The following ARB2A variants were observed in gnomAD, a reference collection of about 807,000 sequenced individuals.
ARB2A encodes ARB2 cotranscriptional regulator A.
the ARB2A span, among the ~76,000 whole-genome samples, chr5:93,796,841 T>C: frequency 6.6e-6 from 1 of 152,218 alleles, no homozygotes; most frequent in East Asian, 1.9e-4. Flanking sequence ...CAGAAATAAA[T>C]GGTTTGAAAG....
chr5:93,984,100 A>C, the ARB2A span, among the ~76,000 whole-genome samples: 2 of 152,152 alleles, frequency 1.3e-5, no homozygotes, highest in Non-Finnish European at 2.9e-5. Context: ...TGATTCTGAT[A>C]ATTATAAAGA....
chr5:93,741,079 G>A, the ARB2A span: 2 of 1,613,810 alleles, frequency 1.2e-6, no homozygotes, highest in Admixed American at 1.7e-5. Context: ...GCAGATGGTC[G>A]TCTGGCTAAG....
the ARB2A span, among the ~76,000 whole-genome samples, chr5:94,059,636 A>AAT: frequency 1.3e-5 from 2 of 150,762 alleles, no homozygotes; most frequent in African/African-American, 4.9e-5. Context: ...AAAAAAAAAA[A>AAT]AAAAGATAAA....
the ARB2A span, among the ~76,000 whole-genome samples, chr5:93,652,208 T>C: frequency 3.3e-5 from 5 of 152,246 alleles, no homozygotes; most frequent in South Asian, 1.0e-3. Context: ...GTATTACACA[T>C]GGGAGTAATA....
the ARB2A span, among the ~76,000 whole-genome samples, chr5:93,879,164 C>A: frequency 6.6e-6 from 1 of 152,024 alleles, no homozygotes; most frequent in African/African-American, 2.4e-5. Context: ...TAGCAGAAGT[C>A]ATTTCCAGAA....
chr5:93,856,367 T>A, the ARB2A span, among the ~76,000 whole-genome samples: 1 of 152,250 alleles, frequency 6.6e-6, no homozygotes, highest in Admixed American at 6.5e-5. Context: ...GATAATATCC[T>A]GCAGAGTGTT....
At chr5:93,893,533 A>T in the ARB2A span, among the ~76,000 whole-genome samples, 1 of 152,176 alleles carries the variant, frequency 6.6e-6, no homozygotes, top group Non-Finnish European at 1.5e-5. Context: ...AGAACAAAAT[A>T]AAAAAGTAGA....
At chr5:93,648,145 CAAA>C in the ARB2A span, among the ~76,000 whole-genome samples, 12 of 83,464 alleles carry the variant, frequency 1.4e-4, no homozygotes, top group Admixed American at 3.4e-4. Flanking sequence ...GAACCTGTCT[CAAA>C]AAAAAAAAAA....
At chr5:93,958,730 C>T in the ARB2A span, 1 of 1,291,932 alleles carries the variant, frequency 7.7e-7, no homozygotes, top group East Asian at 2.5e-5. Context: ...TATAATAAAA[C>T]AGTACTATAA....
chr5:94,084,973 A>G, the ARB2A span, among the ~76,000 whole-genome samples: 1 of 152,268 alleles, frequency 6.6e-6, no homozygotes, highest in East Asian at 1.9e-4. Flanking sequence ...TACAACCACA[A>G]TGAAATATTT....
At chr5:93,867,638 G>A in the ARB2A span, among the ~76,000 whole-genome samples, 32 of 151,870 alleles carry the variant, frequency 2.1e-4, no homozygotes, top group African/African-American at 7.3e-4. Context: ...GGATGGACTC[G>A]ATCTCTTGAC....
At chr5:93,985,760 T>C in the ARB2A span, among the ~76,000 whole-genome samples, 1 of 152,150 alleles carries the variant, frequency 6.6e-6, no homozygotes, top group Non-Finnish European at 1.5e-5. Flanking sequence ...AGTGGCGTGA[T>C]CTCGGCTGGC....
chr5:93,668,035 T>C, the ARB2A span, among the ~76,000 whole-genome samples: 2 of 152,216 alleles, frequency 1.3e-5, no homozygotes, highest in Non-Finnish European at 2.9e-5. Context: ...ACTAATTTTT[T>C]TCTTTTGGTA....
the ARB2A span, among the ~76,000 whole-genome samples, chr5:93,842,921 A>G: frequency 6.6e-6 from 1 of 152,238 alleles, no homozygotes; most frequent in East Asian, 1.9e-4. Flanking sequence ...TGCAAACTGA[A>G]TGTGGAATGT....
chr5:93,795,958 A>C, the ARB2A span, among the ~76,000 whole-genome samples: 1 of 152,238 alleles, frequency 6.6e-6, no homozygotes, highest in Admixed American at 6.5e-5. Context: ...AGATAAAGCA[A>C]GTTATACCTG....
the ARB2A span, chr5:94,055,659 C>A: frequency 2.0e-6 from 2 of 985,066 alleles, no homozygotes; most frequent in African/African-American, 1.7e-5. Flanking sequence ...AAAGTTCTTA[C>A]CACCTTGTAA....
chr5:93,715,013 A>G, the ARB2A span, among the ~76,000 whole-genome samples: 2 of 152,222 alleles, frequency 1.3e-5, no homozygotes, highest in East Asian at 3.8e-4. Flanking sequence ...TTGCCTATAT[A>G]TCCACAATAT....
chr5:94,099,532 G>A, the ARB2A span, among the ~76,000 whole-genome samples: 8 of 146,234 alleles, frequency 5.5e-5, no homozygotes, highest in African/African-American at 5.1e-5. Context: ...GCTGAGGCAG[G>A]AGAATCGCAT....
the ARB2A span, among the ~76,000 whole-genome samples, chr5:93,722,021 C>T: frequency 6.6e-6 from 1 of 152,086 alleles, no homozygotes; most frequent in African/African-American, 2.4e-5. Context: ...CTCTATTTGC[C>T]TAGTCCCAAA....
Sources: allele counts gnomAD v4.1 joint callset (sites outside exome capture counted in the v4.1 genomes callset), GRCh38; gene constraint gnomAD v4.1.1; transcripts MANE v1.5; gene names NCBI Gene and HGNC (gene_info 2026-07-23, HGNC 2026-07-21).